Variants in METTL24 observed in about 807,000 individuals in gnomAD.
METTL24 encodes the protein probable methyltransferase-like protein 24.
A neutral mutation model predicts 32.7 loss-of-function variants in METTL24; 29 were observed. The observed-to-expected ratio is 0.89, with a 90% confidence interval of 0.66 to 1.21. The LOEUF is 1.21. Among genes scored for constraint, METTL24 ranks in the 50% most tolerant of loss-of-function variants. The probability of loss-of-function intolerance (pLI) is 0.00; values close to 1 mark genes in which losing one functional copy is unlikely to be tolerated. For synonymous variants in METTL24, 163 were observed against 179.5 expected (o/e 0.91, Z 0.73); for missense variants, 439 against 468.1 (o/e 0.94, Z 0.57).
chr6:110,282,185 C>T (rs960449075), intron 4 of METTL24, among the ~76,000 whole-genome samples: 29 of 152,098 alleles, frequency 1.9e-4, no homozygotes, highest in African/African-American at 6.3e-4. Context: ...AAATACTTTC[C>T]GAATCCAATC....
At chr6:110,342,894 T>C (rs899938469) in intron 1 of METTL24, among the ~76,000 whole-genome samples, 1 of 152,222 alleles carries the variant, frequency 6.6e-6, no homozygotes, top group African/African-American at 2.4e-5. Context: ...CATCCCTTTT[T>C]ATAGTTGAGT....
chr6:110,299,762 T>A (rs1771487060), intron 3 of METTL24, among the ~76,000 whole-genome samples: 1 of 152,230 alleles, frequency 6.6e-6, no homozygotes, highest in African/African-American at 2.4e-5. Context: ...ATGAATTAAT[T>A]GTACTTAAGT....
chr6:110,339,677 G>A (rs761265753), intron 1 of METTL24, among the ~76,000 whole-genome samples: 2 of 152,174 alleles, frequency 1.3e-5, no homozygotes, highest in African/African-American at 2.4e-5. Context: ...AAATGTACAC[G>A]TATATGTTTT....
At chr6:110,338,525 A>G (rs1772286077) in intron 1 of METTL24, among the ~76,000 whole-genome samples, 1 of 152,172 alleles carries the variant, frequency 6.6e-6, no homozygotes, top group African/African-American at 2.4e-5. Flanking sequence ...GAAAACAACA[A>G]TAACAAAAAC....
At chr6:110,309,553 G>T (rs1032673927) in intron 3 of METTL24, among the ~76,000 whole-genome samples, 5 of 152,172 alleles carry the variant, frequency 3.3e-5, no homozygotes, top group African/African-American at 1.2e-4. Context: ...TATCACAGTT[G>T]CACGTGTCTG....
At chr6:110,356,373 A>ACGGAAGTGGCAGTGAGC (rs1318816236) in intron 1 of METTL24, among the ~76,000 whole-genome samples, 14 of 151,906 alleles carry the variant, frequency 9.2e-5, no homozygotes, top group African/African-American at 3.4e-4. Flanking sequence ...AACCCGGGAG[A>ACGGAAGTGGCAGTGAGC]CGGAAGTGGC....
At chr6:110,326,336 G>A (rs1268923967) in intron 1 of METTL24, among the ~76,000 whole-genome samples, 1 of 152,188 alleles carries the variant, frequency 6.6e-6, no homozygotes, top group East Asian at 1.9e-4. Flanking sequence ...CATCTTCATG[G>A]AACCTAAGCA....
intron 1 of METTL24, among the ~76,000 whole-genome samples, chr6:110,324,018 C>T (rs769181078): frequency 2.5e-4 from 38 of 152,212 alleles, no homozygotes; most frequent in Non-Finnish European, 4.3e-4. Context: ...CCGTGAGATG[C>T]TTTAGTACAA....
chr6:110,253,994 C>G (rs1017728257), intron 4 of METTL24: 2 of 1,303,130 alleles, frequency 1.5e-6, no homozygotes, highest in African/African-American at 3.1e-5. Context: ...AGCAGCTCCC[C>G]TTTGATCTCC....
At chr6:110,287,965 G>A (rs1358594644) in intron 4 of METTL24, among the ~76,000 whole-genome samples, 1 of 152,200 alleles carries the variant, frequency 6.6e-6, no homozygotes, top group Non-Finnish European at 1.5e-5. Context: ...TTATAAAGGA[G>A]CTTCCCTCCT....
intron 3 of METTL24, among the ~76,000 whole-genome samples, chr6:110,305,890 A>G (rs963691030): frequency 6.6e-6 from 1 of 152,248 alleles, no homozygotes; most frequent in African/African-American, 2.4e-5. Context: ...TGTTTATTGC[A>G]GCACTATTCA....
Position 110,298,919 on chromosome 6 carries a change from C to G in METTL24, c.786+3G>C. On this transcript the variant is annotated splice_donor_region_variant and intron_variant, in intron 4 of 4. Transcript: ENST00000338882. ...AAGTATAAAATCAAATGAAAAACCTCACCTTGTGATGTCCAAATTCATTCA... is the reference window on the plus strand; with the variant it reads ...AAGTATAAAATCAAATGAAAAACCTGACCTTGTGATGTCCAAATTCATTCA... 6.2e-7 allele frequency: 1 copy of G among 1,613,532 alleles called. No individual in the cohort carries two copies. The highest frequency in any genetic ancestry group is 2.2e-5 in the East Asian group (1 of 44,872).
intron 2 of METTL24, among the ~76,000 whole-genome samples, chr6:110,320,090 T>C (rs1435241880): frequency 6.6e-6 from 1 of 152,296 alleles, no homozygotes; most frequent in African/African-American, 2.4e-5. Context: ...ACCCTCTGGA[T>C]TGAGGAATGA....
intron 4 of METTL24, among the ~76,000 whole-genome samples, chr6:110,286,724 G>T (rs938370410): frequency 4.6e-5 from 7 of 152,164 alleles, no homozygotes; most frequent in African/African-American, 1.7e-4. Flanking sequence ...GTCTGTGAGG[G>T]TGCTGCCAAA....
intron 4 of METTL24, among the ~76,000 whole-genome samples, chr6:110,272,019 TG>T (rs1770966167): frequency 6.6e-6 from 1 of 151,850 alleles, no homozygotes; most frequent in African/African-American, 2.4e-5. Context: ...CAATAGTTTT[TG>T]GGGGTCCAGG....
intron 4 of METTL24, among the ~76,000 whole-genome samples, chr6:110,285,400 T>C (rs1582401201): frequency 6.6e-6 from 1 of 152,044 alleles, no homozygotes; most frequent in South Asian, 2.1e-4. Context: ...ATAAATCAGG[T>C]TTTACCTCCG....
chr6:110,250,846 T>G (rs1778264534), intron 4 of METTL24, among the ~76,000 whole-genome samples: 1 of 152,210 alleles, frequency 6.6e-6, no homozygotes, highest in African/African-American at 2.4e-5. Context: ...CTCAGCCACA[T>G]GATCAGGCCC....
At position 110,243,998 on chromosome 6, in the gene METTL24, C is replaced by T. The variant is rs1372271187; in HGVS notation, c.*1948G>A. On this transcript the variant is annotated 3_prime_UTR_variant, in exon 5 of 5. Transcript: ENST00000338882. Reference sequence around the variant, plus strand: ...TAGAAAATTATGCACGTGTTTAATCCTGTAAATAGTAATGAGAGAGAGCAT... The same window carrying T: ...TAGAAAATTATGCACGTGTTTAATCTTGTAAATAGTAATGAGAGAGAGCAT... 6.6e-6 allele frequency among the ~76,000 whole-genome samples: 1 copy of T among 151,934 alleles called. No individual in the cohort carries two copies. Among genetic ancestry groups the T allele is most frequent in the African/African-American group, 2.4e-5 (1 of 41,352 alleles).
chr6:110,279,290 A>C (rs566519350), intron 4 of METTL24, among the ~76,000 whole-genome samples: 74 of 152,348 alleles, frequency 4.9e-4, no homozygotes, highest in African/African-American at 1.7e-3. Context: ...ATACAGACAG[A>C]TAAATAGTGT....
Sources: gnomAD v4.1 joint callset for allele counts (sites outside exome capture counted in the v4.1 genomes callset) on GRCh38, gnomAD v4.1.1 for gene constraint, MANE v1.5 for transcripts, NCBI Gene and HGNC (gene_info 2026-07-23, HGNC 2026-07-21) for gene names.